The following SOAT2 variants were observed in gnomAD, a reference collection of about 807,000 sequenced individuals.
SOAT2 encodes the protein sterol O-acyltransferase 2.
In SOAT2, 87 loss-of-function variants were observed where a neutral mutation model predicts 76.0. The observed-to-expected ratio is 1.14, with a 90% CI of 0.96 to 1.37. The LOEUF (loss-of-function observed/expected upper bound fraction) is 1.37. Ranked by LOEUF, SOAT2 falls within the 40% of genes most tolerant of loss-of-function variation. The probability of loss-of-function intolerance (pLI) is 0.00; values close to 1 mark genes in which losing one functional copy is unlikely to be tolerated. For synonymous variants in SOAT2, 285 were observed against 275.4 expected (o/e 1.03, Z -0.34); for missense variants, 686 against 682.1 (o/e 1.01, Z -0.06).
chr12:53,121,253 C>A, intron 11 of SOAT2, 50 bp from the exon 12 acceptor site: 1 of 1,373,550 alleles, frequency 7.3e-7, no homozygotes, highest in Non-Finnish European at 1.0e-6. Flanking sequence ...GAGCCGGAAC[C>A]CAGATGCTTG....
At chr12:53,109,221 A>G (rs1286763315) in intron 5 of SOAT2, among the ~76,000 whole-genome samples, 1 of 152,184 alleles carries the variant, frequency 6.6e-6, no homozygotes. Flanking sequence ...TGGGTGACAG[A>G]GCGAGACTCC....
chr12:53,118,240 C>A, intron 7 of SOAT2, 110 bp from the exon 8 acceptor site: 1 of 478,636 alleles, frequency 2.1e-6, no homozygotes, highest in Non-Finnish European at 3.9e-6. Flanking sequence ...CCCCCACCCC[C>A]ACCCTATCCA....
At chr12:53,105,872 C>A in intron 4 of SOAT2, 35 bp from the exon 5 acceptor site, 1 of 1,253,166 alleles carries the variant, frequency 8.0e-7, no homozygotes, top group Non-Finnish European at 1.0e-6. Context: ...CCTGAGGACC[C>A]TCCCACACTG....
chr12:53,123,412 T>A (rs1001216616), intron 13 of SOAT2, among the ~76,000 whole-genome samples, 196 bp downstream of exon 13: 2 of 152,124 alleles, frequency 1.3e-5, no homozygotes, highest in African/African-American at 4.8e-5. Context: ...CCAAGCTGTA[T>A]CCTGGGGCAT....
Position 53,120,780 on chromosome 12 carries a change from C to G in SOAT2, c.1040-6C>G, listed in dbSNP as rs1938178485. ...TGACCTGCAGCCTCTTGTCCCCAAC[C>G]ACCAGGCATCTTCATGCTGCTGCTC... On this transcript the variant is annotated splice_region_variant and splice_polypyrimidine_tract_variant and intron_variant, in intron 10 of 14. Transcript: ENST00000301466. The G allele has an allele frequency of 6.2e-7, 1 of 1,612,224 alleles. No individual in the cohort carries two copies. The highest frequency in any genetic ancestry group is 8.5e-7 in the Non-Finnish European group (1 of 1,178,442).
At chr12:53,108,179 TC>T (rs1261254738) in intron 5 of SOAT2, among the ~76,000 whole-genome samples, 1 of 152,206 alleles carries the variant, frequency 6.6e-6, no homozygotes, top group East Asian at 1.9e-4. Flanking sequence ...TTGGGTGAAT[TC>T]CTCTTCTCTT....
At chr12:53,118,800 TGAG>T in intron 8 of SOAT2, 87 bp from the exon 9 acceptor site, 1 of 1,420,382 alleles carries the variant, frequency 7.0e-7, no homozygotes, top group Non-Finnish European at 1.0e-6. Context: ...TTAAGGGAAC[TGAG>T]GAGAGAGGGC....
At chr12:53,105,363 C>T (rs554047736) in intron 3 of SOAT2, 120 bp downstream of exon 3, 8 of 1,337,614 alleles carry the variant, frequency 6.0e-6, no homozygotes, top group East Asian at 2.5e-5. Flanking sequence ...CCTCTTCCCC[C>T]CTTGTCTTCC....
At chr12:53,104,958 G>T in intron 2 of SOAT2, 149 bp from the exon 3 acceptor site, 2 of 832,384 alleles carry the variant, frequency 2.4e-6, no homozygotes, top group Non-Finnish European at 1.8e-6. Context: ...TGCCACCACT[G>T]AACCCCCATC....
chr12:53,119,323 T>G, intron 10 of SOAT2, 70 bp downstream of exon 10: 1 of 1,527,746 alleles, frequency 6.5e-7, no homozygotes, highest in Admixed American at 1.8e-5. Context: ...GCCTTGCTAG[T>G]TACCTTCCCT....
chr12:53,123,716 C>G lies in SOAT2; in HGVS notation c.1373-12C>G. On this transcript the variant is annotated splice_polypyrimidine_tract_variant and intron_variant, in intron 13 of 14. Coordinates refer to ENST00000301466, the MANE Select transcript of SOAT2 (RefSeq NM_003578.4). Reference sequence around the variant, plus strand: ...CCTGGAGCTGGAATGACAACCTTTCCTCCTGCACCAGGAATGTTGAACTTC... The same window carrying G: ...CCTGGAGCTGGAATGACAACCTTTCGTCCTGCACCAGGAATGTTGAACTTC... The G allele has an allele frequency of 6.2e-7, 1 of 1,614,070 alleles. No homozygotes were observed. Among genetic ancestry groups the G allele is most frequent in the Non-Finnish European group, 8.5e-7 (1 of 1,179,960 alleles).
intron 3 of SOAT2, 49 bp from the exon 4 acceptor site, chr12:53,105,512 C>A (rs1354334986): frequency 6.4e-7 from 1 of 1,554,244 alleles, no homozygotes. Flanking sequence ...ATGGCCCTGC[C>A]CTCTGCCCAT....
At position 53,124,192 on chromosome 12, in the gene SOAT2, G is replaced by A. The variant is rs1938240825; in HGVS notation, c.*69G>A. The A allele has an allele frequency of 3.2e-6, 5 of 1,564,818 alleles. No homozygotes were observed. In the Admixed American group the frequency reaches 8.3e-5, roughly 26 times the overall value. ...CTCTGCCTGCAAAACCTGGGACCAGGACTCCTGTCTGCATTCCCAAATTTG... is the reference window on the plus strand; with the variant it reads ...CTCTGCCTGCAAAACCTGGGACCAGAACTCCTGTCTGCATTCCCAAATTTG... On this transcript the variant is annotated 3_prime_UTR_variant, in exon 15 of 15. Transcript: ENST00000301466.
Position 53,124,383 on chromosome 12 carries a change from A to T in SOAT2, c.*260A>T. ...TGGGTACAGGATATCCTCCTACCCCATGACTGTCTTAGGGAGACTTGGGGT... is the reference window on the plus strand; with the variant it reads ...TGGGTACAGGATATCCTCCTACCCCTTGACTGTCTTAGGGAGACTTGGGGT... On this transcript the variant is annotated 3_prime_UTR_variant, in exon 15 of 15. Transcript: ENST00000301466. 1 of 560,298 alleles carries T rather than the reference A, an allele frequency of 1.8e-6. No individual in the cohort carries two copies. The highest frequency in any genetic ancestry group is 3.2e-6 in the Non-Finnish European group (1 of 312,968). The allele number at this position is 560,298 out of a possible 1,614,324, so 34.7% of individuals were successfully genotyped here.
Position 53,105,890 on chromosome 12 carries a change from G to A in SOAT2, c.336-17G>A. Reference sequence around the variant, plus strand: ...GAGGACCCTCCCACACTGACTTTCGGGCCCCTGTCCCTCTAGTGAGCTGAT... The same window carrying A: ...GAGGACCCTCCCACACTGACTTTCGAGCCCCTGTCCCTCTAGTGAGCTGAT... On this transcript the variant is annotated splice_polypyrimidine_tract_variant and intron_variant, in intron 4 of 14. Coordinates refer to ENST00000301466, the MANE Select transcript of SOAT2 (RefSeq NM_003578.4). 1.4e-6 allele frequency: 2 copies of A among 1,400,604 alleles called. No individual in the cohort carries two copies. The highest frequency in any genetic ancestry group is 1.9e-6 in the Non-Finnish European group (2 of 1,078,924). The allele number at this position is 1,400,604 out of a possible 1,614,324, so 86.8% of individuals were successfully genotyped here. A position where few individuals can be genotyped will look rare whatever the true frequency, so the allele number is the denominator to read the frequency against.
rs1207781023 is a variant in SOAT2 at position 53,118,401 on chromosome 12, G to T, written c.830G>T (p.Cys277Phe). The change falls in exon 8 of 15, where the codon TGC becomes TTC. Residue 277 changes from cysteine to phenylalanine, a missense_variant. Physicochemically the swap from Cys to Phe is radical, Grantham distance 205 (BLOSUM62 -2). Coordinates refer to ENST00000301466, the MANE Select transcript of SOAT2 (RefSeq NM_003578.4). Reference protein sequence around the residue: ...SFSSYLYFLFCPTLIYRETYP... With the variant: ...SFSSYLYFLFFPTLIYRETYP... ...TCCAGCTACCTCTACTTCCTCTTCT[G>T]CCCAACACTCATCTACAGGGAGACT... 1.2e-6 allele frequency: 2 copies of T among 1,613,450 alleles called. No individual in the cohort carries two copies. The highest frequency in any genetic ancestry group is 2.2e-5 in the South Asian group (2 of 91,042).
chr12:53,110,456 G>C (rs1053447011), intron 5 of SOAT2, among the ~76,000 whole-genome samples: 1 of 152,132 alleles, frequency 6.6e-6, no homozygotes, highest in Non-Finnish European at 1.5e-5. Flanking sequence ...AACATTTCTT[G>C]TATAAATTTC....
intron 10 of SOAT2, among the ~76,000 whole-genome samples, chr12:53,119,750 T>C (rs1450924468): frequency 6.6e-6 from 1 of 152,182 alleles, no homozygotes; most frequent in Non-Finnish European, 1.5e-5. Context: ...AGTTGCTTCT[T>C]GGAGGCCCAT....
chr12:53,121,444 G>A (rs1163262758), intron 12 of SOAT2, 43 bp downstream of exon 12: 7 of 1,491,846 alleles, frequency 4.7e-6, no homozygotes, highest in Non-Finnish European at 6.5e-6. Flanking sequence ...AGTTAATAGG[G>A]GCTCTCCTTC....
Sources: allele counts gnomAD v4.1 joint callset (sites outside exome capture counted in the v4.1 genomes callset), GRCh38; gene constraint gnomAD v4.1.1; transcripts MANE v1.5; gene names NCBI Gene and HGNC (gene_info 2026-07-23, HGNC 2026-07-21).